The following PIK3C2A variants were observed in gnomAD, a reference collection of about 807,000 sequenced individuals.
PIK3C2A encodes phosphatidylinositol 4-phosphate 3-kinase C2 domain-containing subunit alpha.
In PIK3C2A, 97 loss-of-function variants were observed where a neutral mutation model predicts 204.5. The observed-to-expected ratio is 0.47, with a 90% CI of 0.40 to 0.56. The LOEUF is 0.56. PIK3C2A is among the 20% of genes least tolerant of loss of function. The pLI, the probability that PIK3C2A is intolerant of heterozygous loss-of-function variation, is 0.00. For synonymous variants in PIK3C2A, 653 were observed against 664.4 expected (o/e 0.98, Z 0.26); for missense variants, 1,735 against 1,969.2 (o/e 0.88, Z 2.25).
intron 13 of PIK3C2A, among the ~76,000 whole-genome samples, chr11:17,124,998 G>C (rs1373982543): frequency 6.6e-6 from 1 of 152,034 alleles, no homozygotes; most frequent in Admixed American, 6.5e-5. Context: ...TTTGCAGTTG[G>C]TATTGTATAC....
At chr11:17,195,172 T>A (rs1852104970) in intron 1 of PIK3C2A, among the ~76,000 whole-genome samples, 1 of 152,048 alleles carries the variant, frequency 6.6e-6, no homozygotes, top group South Asian at 2.1e-4. Context: ...CCCAGCACTT[T>A]GGGAGGCCGA....
chr11:17,121,370 G>A (rs1199758854), intron 15 of PIK3C2A, among the ~76,000 whole-genome samples: 1 of 152,104 alleles, frequency 6.6e-6, no homozygotes, highest in African/African-American at 2.4e-5. Context: ...TCCCACCTCA[G>A]CCTTCCAAAG....
intron 26 of PIK3C2A, among the ~76,000 whole-genome samples, chr11:17,099,540 A>C (rs1313067373): frequency 3.3e-5 from 5 of 152,214 alleles, no homozygotes; most frequent in African/African-American, 1.2e-4. Context: ...AGCAAGACTC[A>C]GTCTCAAAAT....
At position 17,169,210 on chromosome 11, in the gene PIK3C2A, T is replaced by C; in HGVS notation, c.532A>G (p.Thr178Ala). The change falls in exon 2 of 33, where the codon ACT (threonine) becomes GCT (alanine). Residue 178 changes from threonine to alanine, a missense_variant. Physicochemically the swap from Thr to Ala is moderately conservative, Grantham distance 58 (BLOSUM62 0). Around this residue, in one of 6 missense-constraint regions of PIK3C2A, gnomAD observed 536 missense variants for 546.7 expected, o/e 0.98. Coordinates refer to ENST00000691414, the MANE Select transcript of PIK3C2A (RefSeq NM_002645.4). ...FQNGFNPRMP[T>A]FPSTEPIYLS... ...TATATAGGTTCTGTAGATGGAAAAG[T>C]GGGCATTCTTGGATTGAAGCCATTT... is the stretch of plus-strand genomic sequence containing the variant. 6.2e-7 allele frequency: 1 copy of C among 1,614,132 alleles called. No homozygotes were observed. The highest frequency in any genetic ancestry group is 8.5e-7 in the Non-Finnish European group (1 of 1,180,010).
intron 1 of PIK3C2A, among the ~76,000 whole-genome samples, chr11:17,192,161 T>A (rs1217786916): frequency 1.3e-5 from 2 of 151,844 alleles, no homozygotes; most frequent in Non-Finnish European, 2.9e-5. Flanking sequence ...ATAAATAAAT[T>A]AATAATGCAG....
intron 18 of PIK3C2A, among the ~76,000 whole-genome samples, chr11:17,118,089 T>TG (rs397804988): frequency 6.6e-6 from 1 of 150,822 alleles, no homozygotes; most frequent in African/African-American, 2.4e-5. Context: ...TTTTTTTTTT[T>TG]GAGACCAGGT....
rs1848197593 is a variant in PIK3C2A, at chr11:17,087,945, G to C, written c.*1793C>G. ...CAAGTCTTTCCCCCACCCCGTCCCA[G>C]TGATATATTATCAACTCTTCTATTT... On this transcript the variant is annotated 3_prime_UTR_variant, in exon 33 of 33. Coordinates refer to ENST00000691414, the MANE Select transcript of PIK3C2A (RefSeq NM_002645.4). The C allele has an allele frequency of 6.6e-6, 1 of 152,058 alleles. No individual in the cohort carries two copies. Among genetic ancestry groups the C allele is most frequent in the Admixed American group, 6.5e-5 (1 of 15,268 alleles). The allele number at this position is 152,058 out of a possible 1,614,324, so 9.4% of individuals were successfully genotyped here. A position where few individuals can be genotyped will look rare whatever the true frequency, so the allele number is the denominator to read the frequency against.
rs1487590917 is a variant in PIK3C2A at position 17,097,203 on chromosome 11, C to T, written c.4180G>A (p.Ala1394Thr). The part of the protein sequence containing the change: ...TKFNFFIHNL[A>T]QLRFSGLPSN... The stretch of plus-strand genomic sequence containing the variant: ...GGAAGACCAGAAAAACGAAGCTGAG[C>T]AAGGTTGTGAATGAAGAAGTTAAAC... The change falls in exon 27 of 33, where the codon GCT becomes ACT. Residue 1394 changes from alanine (A) to threonine (T), a missense_variant. Around this residue, in one of 6 missense-constraint regions of PIK3C2A, gnomAD observed 503 missense variants for 669.0 expected, o/e 0.75. Coordinates refer to ENST00000691414, the MANE Select transcript of PIK3C2A (RefSeq NM_002645.4). 1.2e-6 allele frequency: 2 copies of T among 1,613,806 alleles called. No individual in the cohort carries two copies. Among genetic ancestry groups the T allele is most frequent in the Admixed American group, 3.3e-5 (2 of 60,012 alleles).
chr11:17,161,111 C>G (rs1850762438), intron 2 of PIK3C2A, among the ~76,000 whole-genome samples: 1 of 152,138 alleles, frequency 6.6e-6, no homozygotes, highest in Admixed American at 6.6e-5. Flanking sequence ...CATTAATACT[C>G]TGTAAAGTAG....
chr11:17,098,567 C>T (rs1355201599), intron 26 of PIK3C2A, among the ~76,000 whole-genome samples: 1 of 152,176 alleles, frequency 6.6e-6, no homozygotes, highest in Non-Finnish European at 1.5e-5. Context: ...CGAATACATG[C>T]CTGCTTTGTG....
At chr11:17,143,841 G>A (rs1045487802) in intron 8 of PIK3C2A, among the ~76,000 whole-genome samples, 3 of 152,090 alleles carry the variant, frequency 2.0e-5, no homozygotes, top group Non-Finnish European at 2.9e-5. Context: ...GGAGGCTGAG[G>A]TGGGAGAATC....
intron 13 of PIK3C2A, among the ~76,000 whole-genome samples, chr11:17,125,764 T>G (rs909213534): frequency 9.9e-5 from 15 of 152,132 alleles, no homozygotes; most frequent in African/African-American, 3.6e-4. Flanking sequence ...CTTCCCAAAG[T>G]GCTGGGATTA....
intron 8 of PIK3C2A, among the ~76,000 whole-genome samples, chr11:17,143,227 C>G (rs1364531473): frequency 6.6e-6 from 1 of 152,176 alleles, no homozygotes; most frequent in Non-Finnish European, 1.5e-5. Context: ...CACTCATACT[C>G]TTTCCCCTTC....
chr11:17,155,413 T>C (rs959148348), intron 3 of PIK3C2A, 113 bp downstream of exon 3: 2 of 574,300 alleles, frequency 3.5e-6, no homozygotes, highest in Non-Finnish European at 6.2e-6. Flanking sequence ...TGACTTGAAA[T>C]GTTAGCCACA....
chr11:17,151,434 T>C (rs1850423457), intron 3 of PIK3C2A, among the ~76,000 whole-genome samples: 1 of 152,162 alleles, frequency 6.6e-6, no homozygotes. Context: ...ATGCTAGAAG[T>C]ATTGTATACT....
intron 3 of PIK3C2A, 107 bp from the exon 4 acceptor site, chr11:17,150,762 C>A: frequency 4.8e-6 from 3 of 627,434 alleles, no homozygotes; most frequent in Non-Finnish European, 4.9e-6. Context: ...TGTCTTTGTC[C>A]AACTCAAGCA....
chr11:17,097,169 T>G lies in PIK3C2A; in HGVS notation c.4214A>C (p.Asp1405Ala). ...QLRFSGLPSNDEPILSFSPKT... is the reference protein window; with the variant it reads ...QLRFSGLPSNAEPILSFSPKT... ...AGGTGAAAATGAAAGGATGGGCTCA[T>G]CATTAGAAGGAAGACCAGAAAAACG... Residue 1405 changes from aspartate (D) to alanine (A), a missense_variant, in exon 27 of 33, where the codon GAT becomes GCT. Physicochemically the swap from Asp to Ala is moderately radical, Grantham distance 126. Around this residue, in one of 6 missense-constraint regions of PIK3C2A, gnomAD observed 503 missense variants for 669.0 expected, o/e 0.75. Transcript: ENST00000691414. The G allele has an allele frequency of 6.2e-7, 1 of 1,612,408 alleles. No individual in the cohort carries two copies.
chr11:17,123,575 T>C (rs978825301), intron 13 of PIK3C2A, among the ~76,000 whole-genome samples: 4 of 151,992 alleles, frequency 2.6e-5, no homozygotes, highest in African/African-American at 7.2e-5. Flanking sequence ...TGAGAAGTTT[T>C]ATCTGTTTCC....
At chr11:17,147,456 C>A in intron 6 of PIK3C2A, 61 bp downstream of exon 6, 2 of 933,120 alleles carry the variant, frequency 2.1e-6, no homozygotes, top group Non-Finnish European at 1.7e-6. Context: ...TGAAAATTGG[C>A]AAATTAGCAG....
Sources: allele counts gnomAD v4.1 joint callset (sites outside exome capture counted in the v4.1 genomes callset), GRCh38; gene constraint gnomAD v4.1.1; regional missense constraint gnomAD v4.1.1; transcripts MANE v1.5; gene names NCBI Gene and HGNC (gene_info 2026-07-23, HGNC 2026-07-21).